The following BBS7 variants were observed in gnomAD, a reference collection of about 807,000 sequenced individuals.
BBS7 encodes the protein BBSome complex member BBS7.
Under a neutral mutation model 90.3 loss-of-function variants are expected in BBS7, and 50 were observed. The ratio of observed to expected loss-of-function variants is 0.55; its 90% confidence interval spans 0.44 to 0.70. The LOEUF is 0.70. BBS7 is among the 30% of genes least tolerant of loss of function. The probability of loss-of-function intolerance (pLI) is 0.00; values close to 1 mark genes in which losing one functional copy is unlikely to be tolerated. For synonymous variants in BBS7, 235 were observed against 287.4 expected, an observed-to-expected ratio of 0.82 and a Z score of 1.85; for missense variants, 729 against 838.9, an observed-to-expected ratio of 0.87 and a Z score of 1.62.
chr4:121,845,525 T>G lies in BBS7; in HGVS notation c.1209A>C (p.Ala403=). The G allele has an allele frequency of 6.2e-7, 1 of 1,612,238 alleles. No individual in the cohort carries two copies. The highest frequency in any genetic ancestry group is 1.1e-5 in the South Asian group (1 of 91,002). The change falls in exon 11 of 19, where the codon GCA becomes GCC. Residue 403 remains alanine (A), a synonymous_variant. Transcript: ENST00000264499. ...SYSLILEVQT[A]IDNVLIQSDV... is the part of the protein sequence containing the mutation. ...TTACCTGTATTAAGACATTATCTATTGCAGTCTGTACCTCTAAGATAAGGC... is the reference window on the plus strand; with the variant it reads ...TTACCTGTATTAAGACATTATCTATGGCAGTCTGTACCTCTAAGATAAGGC...
At chr4:121,847,714 G>A (rs1048920713) in intron 9 of BBS7, among the ~76,000 whole-genome samples, 11 of 150,914 alleles carry the variant, frequency 7.3e-5, no homozygotes, top group East Asian at 3.9e-4. Flanking sequence ...AGCATTTCAC[G>A]ATATCATTTT....
chr4:121,863,343 C>T (rs1186091962), intron 2 of BBS7, 64 bp from the exon 3 acceptor site: 6 of 1,350,172 alleles, frequency 4.4e-6, no homozygotes, highest in Non-Finnish European at 6.3e-6. Context: ...TAATTATATA[C>T]AGGGAAAGCA....
At chr4:121,849,375 AT>A (rs1186634709) in intron 8 of BBS7, among the ~76,000 whole-genome samples, 7 of 152,080 alleles carry the variant, frequency 4.6e-5, no homozygotes, top group Non-Finnish European at 1.0e-4. Flanking sequence ...TAATTTTTGT[AT>A]TTTTTTGTAG....
chr4:121,831,497 A>G (rs1725180869), intron 15 of BBS7, among the ~76,000 whole-genome samples: 1 of 151,994 alleles, frequency 6.6e-6, no homozygotes. Context: ...TTGGACCTTA[A>G]AGGATAAACA....
At chr4:121,868,311 G>A (rs1025503320) in intron 1 of BBS7, among the ~76,000 whole-genome samples, 1 of 152,148 alleles carries the variant, frequency 6.6e-6, no homozygotes, top group African/African-American at 2.4e-5. Context: ...AATATCTCTA[G>A]AAGCCTTCTT....
intron 14 of BBS7, among the ~76,000 whole-genome samples, chr4:121,834,161 T>C (rs1481523939): frequency 6.6e-6 from 1 of 151,944 alleles, no homozygotes; most frequent in Non-Finnish European, 1.5e-5. Flanking sequence ...GTTAAGAAAA[T>C]GCAGTTTATG....
chr4:121,854,073 G>C (rs1435365895), intron 7 of BBS7, among the ~76,000 whole-genome samples: 1 of 151,988 alleles, frequency 6.6e-6, no homozygotes, highest in South Asian at 2.1e-4. Context: ...CTTCTAAGAG[G>C]CTATCTTTGA....
Position 121,833,247 on chromosome 4 carries a change from GT to G in BBS7, c.1659del (p.Gln553HisfsTer24), listed in dbSNP as rs1191668967. On this transcript the variant is annotated frameshift_variant, in exon 15 of 19. Transcript: ENST00000264499. LOFTEE classifies it high-confidence loss of function. The part of the protein sequence containing the change: ...FYFQNTFLDT[Q>X]LESTYRKGEG... ...TAGATTTACCTGTAGGTACTTTCAAGTTGTGTATCTAGAAAGGTGTTCTGAA... is the reference window on the plus strand; with the variant it reads ...TAGATTTACCTGTAGGTACTTTCAAGTGTGTATCTAGAAAGGTGTTCTGAA... 1 of 1,613,850 alleles carries G rather than the reference GT, an allele frequency of 6.2e-7. No individual in the cohort carries two copies. Among genetic ancestry groups the G allele is most frequent in the East Asian group, 2.2e-5 (1 of 44,852 alleles).
At chr4:121,832,051 A>C (rs1725216751) in intron 15 of BBS7, among the ~76,000 whole-genome samples, 1 of 138,396 alleles carries the variant, frequency 7.2e-6, no homozygotes. Flanking sequence ...CACAAAACAA[A>C]CAACCTACAG....
intron 6 of BBS7, 39 bp downstream of exon 6, chr4:121,855,450 A>C: frequency 6.4e-7 from 1 of 1,557,732 alleles, no homozygotes. Context: ...TTACTATTAA[A>C]ACACATAGTT....
chr4:121,866,275 C>T (rs1727267034), intron 2 of BBS7, among the ~76,000 whole-genome samples: 1 of 152,024 alleles, frequency 6.6e-6, no homozygotes, highest in South Asian at 2.1e-4. Flanking sequence ...TTTTTGAGGT[C>T]TTATTCATTA....
At chr4:121,846,367 A>G (rs973920855) in intron 10 of BBS7, among the ~76,000 whole-genome samples, 2 of 152,200 alleles carry the variant, frequency 1.3e-5, no homozygotes, top group African/African-American at 2.4e-5. Context: ...TTAGGAGGAA[A>G]AGTCTAGGGA....
chr4:121,861,688 A>G lies in BBS7; in HGVS notation c.166-9T>C. ...AAAGTCTTGAACACTGCCTGAAAAAAATCATTCAGGAAAAAAGTACACAAA... is the reference window on the plus strand; with the variant it reads ...AAAGTCTTGAACACTGCCTGAAAAAGATCATTCAGGAAAAAAGTACACAAA... On this transcript the variant is annotated splice_polypyrimidine_tract_variant and intron_variant, in intron 3 of 18. Coordinates refer to ENST00000264499, the MANE Select transcript of BBS7 (RefSeq NM_176824.3). The G allele has an allele frequency of 6.2e-7, 1 of 1,613,544 alleles. No homozygotes were observed. Among genetic ancestry groups the G allele is most frequent in the Non-Finnish European group, 8.5e-7 (1 of 1,179,620 alleles).
chr4:121,845,712 T>C lies in BBS7; in HGVS notation c.1038-16A>G, dbSNP rs201278442. 5.2e-5 allele frequency: 84 copies of C among 1,602,136 alleles called. No homozygotes were observed. Among genetic ancestry groups the C allele is most frequent in the Non-Finnish European group, 6.1e-5 (71 of 1,170,084 alleles). ...CAACTCATTCCTGGAGAAAAACACATACAAATTTGTCAAATATAAGTATAA... is the reference window on the plus strand; with the variant it reads ...CAACTCATTCCTGGAGAAAAACACACACAAATTTGTCAAATATAAGTATAA... On this transcript the variant is annotated splice_polypyrimidine_tract_variant and intron_variant, in intron 10 of 18. Transcript: ENST00000264499.
intron 14 of BBS7, 59 bp downstream of exon 14, chr4:121,835,085 A>T (rs1320506225): frequency 6.4e-7 from 1 of 1,558,658 alleles, no homozygotes; most frequent in Non-Finnish European, 8.8e-7. Flanking sequence ...AAAATAAAAA[A>T]CAGGTCTATT....
At chr4:121,835,354 A>AT in intron 13 of BBS7, 71 bp from the exon 14 acceptor site, 2 of 1,562,072 alleles carry the variant, frequency 1.3e-6, no homozygotes, top group Non-Finnish European at 1.8e-6. Flanking sequence ...AATGTTCAAC[A>AT]TAAGTTATCA....
chr4:121,858,457 C>G (rs1203910241), intron 5 of BBS7: 1 of 158,982 alleles, frequency 6.3e-6, no homozygotes, highest in South Asian at 1.8e-4. Context: ...ATAACAATGA[C>G]CTGAAGCAGT....
At chr4:121,827,622 CCTT>C (rs1724972071) in intron 18 of BBS7, 1 of 293,358 alleles carries the variant, frequency 3.4e-6, no homozygotes, top group African/African-American at 2.3e-5. Flanking sequence ...CTTCCTCACT[CCTT>C]CTTTCCCTCT....
At chr4:121,832,565 T>A (rs1176846730) in intron 15 of BBS7, among the ~76,000 whole-genome samples, 1 of 152,124 alleles carries the variant, frequency 6.6e-6, no homozygotes, top group African/African-American at 2.4e-5. Flanking sequence ...TTATTGGAGC[T>A]TATAGAAGAT....
Sources: gnomAD v4.1 joint callset for allele counts (sites outside exome capture counted in the v4.1 genomes callset) on GRCh38, gnomAD v4.1.1 for gene constraint, MANE v1.5 for transcripts, NCBI Gene and HGNC (gene_info 2026-07-23, HGNC 2026-07-21) for gene names.